The following TTC28 variants were observed in gnomAD, a reference collection of about 807,000 sequenced individuals.
TTC28 encodes the protein tetratricopeptide repeat protein 28.
Under a neutral mutation model 198.0 loss-of-function variants are expected in TTC28, and 61 were observed. The ratio of observed to expected loss-of-function variants is 0.31; its 90% CI spans 0.25 to 0.38. TTC28 has a LOEUF of 0.38. Among genes scored for constraint, TTC28 ranks in the 10% least tolerant of loss-of-function variants. The pLI is 1.00. For missense variants in TTC28, 2,678 were observed against 3,164.0 expected (o/e 0.85, Z 3.69); for synonymous variants, 1,171 against 1,297.8 (o/e 0.90, Z 2.10).
intron 2 of TTC28, among the ~76,000 whole-genome samples, chr22:28,522,953 TTAGA>T (rs139909097): frequency 0.013 from 1,933 of 152,176 alleles, 38 homozygotes; most frequent in African/African-American, 0.044. Flanking sequence ...TCTTCTGGAA[TTAGA>T]TAGTGGTGAT....
At chr22:28,099,424 T>C (rs1340680433) in intron 9 of TTC28, among the ~76,000 whole-genome samples, 3 of 152,216 alleles carry the variant, frequency 2.0e-5, no homozygotes, top group South Asian at 4.1e-4. Context: ...CCACAGCTCG[T>C]GCCTGGTCTC....
intron 2 of TTC28, among the ~76,000 whole-genome samples, chr22:28,504,066 T>C (rs2048571083): frequency 6.6e-6 from 1 of 152,236 alleles, no homozygotes; most frequent in Non-Finnish European, 1.5e-5. Flanking sequence ...CAGACTTTGA[T>C]CTTTAATATA....
chr22:28,429,181 G>T (rs144644994), intron 2 of TTC28, among the ~76,000 whole-genome samples: 2 of 152,156 alleles, frequency 1.3e-5, no homozygotes, highest in Non-Finnish European at 2.9e-5. Flanking sequence ...GATCTTAGTA[G>T]AACAGGGCTA....
At chr22:28,605,838 A>C in intron 2 of TTC28, among the ~76,000 whole-genome samples, 1 of 152,228 alleles carries the variant, frequency 6.6e-6, no homozygotes, top group Non-Finnish European at 1.5e-5. Context: ...TGTTGATCCA[A>C]GGATATAAAG....
chr22:28,566,584 A>G (rs1355500856), intron 2 of TTC28, among the ~76,000 whole-genome samples: 1 of 152,244 alleles, frequency 6.6e-6, no homozygotes, highest in African/African-American at 2.4e-5. Context: ...TACATGAACA[A>G]TAAGTTCATT....
intron 6 of TTC28, among the ~76,000 whole-genome samples, chr22:28,139,509 A>T (rs1486368851): frequency 6.6e-6 from 1 of 152,186 alleles, no homozygotes; most frequent in African/African-American, 2.4e-5. Context: ...ACAATTTAAA[A>T]ATATCAAACT....
intron 5 of TTC28, among the ~76,000 whole-genome samples, chr22:28,177,075 GAAT>G (rs1374425584): frequency 6.6e-6 from 1 of 152,090 alleles, no homozygotes; most frequent in Non-Finnish European, 1.5e-5. Flanking sequence ...ACTGTTAGGA[GAAT>G]GAAAAGTCAA....
At chr22:28,525,183 T>G (rs1160074646) in intron 2 of TTC28, among the ~76,000 whole-genome samples, 1 of 152,162 alleles carries the variant, frequency 6.6e-6, no homozygotes, top group Non-Finnish European at 1.5e-5. Context: ...CGGGTCTCAC[T>G]CTGTCACCGA....
intron 14 of TTC28, among the ~76,000 whole-genome samples, chr22:28,003,085 C>T (rs1937779479): frequency 6.6e-6 from 1 of 152,182 alleles, no homozygotes; most frequent in Admixed American, 6.5e-5. Context: ...GGGTGTGTCA[C>T]AGTGACCCCG....
chr22:28,061,739 T>G lies in TTC28; in HGVS notation c.3933-31373A>C, dbSNP rs1239533693. Among the ~76,000 whole-genome samples, 4 of 152,346 alleles carry G rather than the reference T, an allele frequency of 2.6e-5. No individual in the cohort carries two copies. In the East Asian group the frequency reaches 7.7e-4, roughly 29 times the overall value. The stretch of plus-strand genomic sequence containing the variant: ...TCCATATGAACTTTAAAGTAGTTTT[T>G]TCCAATTCTGTGAAGAAAGTCATTG... On this transcript the variant is annotated intron_variant, in intron 12 of 22. Coordinates refer to ENST00000397906, the MANE Select transcript of TTC28 (RefSeq NM_001145418.2).
chr22:28,335,035 G>C (rs1409263542), intron 2 of TTC28, among the ~76,000 whole-genome samples: 1 of 152,088 alleles, frequency 6.6e-6, no homozygotes, highest in Non-Finnish European at 1.5e-5. Flanking sequence ...TTTTGTACAA[G>C]GTGTAAGGAA....
intron 2 of TTC28, among the ~76,000 whole-genome samples, chr22:28,605,272 A>ACTC (rs2050711010): frequency 2.0e-5 from 3 of 152,120 alleles, no homozygotes; most frequent in Non-Finnish European, 4.4e-5. Flanking sequence ...TTTGGCAAAA[A>ACTC]CTCTTAGATA....
At chr22:28,550,846 A>T (rs574246701) in intron 2 of TTC28, among the ~76,000 whole-genome samples, 1 of 152,226 alleles carries the variant, frequency 6.6e-6, no homozygotes, top group African/African-American at 2.4e-5. Flanking sequence ...TATAAACTTA[A>T]GGCAAAGGGG....
At chr22:28,029,806 A>T (rs1938998936) in intron 13 of TTC28, among the ~76,000 whole-genome samples, 1 of 151,172 alleles carries the variant, frequency 6.6e-6, no homozygotes, top group Non-Finnish European at 1.5e-5. Flanking sequence ...TAGCATTCTC[A>T]CTCTCCCTGA....
chr22:28,466,401 C>A (rs764618882), intron 2 of TTC28, among the ~76,000 whole-genome samples: 4 of 152,110 alleles, frequency 2.6e-5, no homozygotes, highest in Non-Finnish European at 5.9e-5. Flanking sequence ...TTCCTCTTTC[C>A]CCTTGAGATC....
intron 2 of TTC28, among the ~76,000 whole-genome samples, chr22:28,564,039 T>C (rs2049931865): frequency 6.6e-6 from 1 of 152,120 alleles, no homozygotes. Context: ...CAGATACAAA[T>C]AATCACATAT....
chr22:27,999,431 T>TGC, intron 15 of TTC28, 171 bp from the exon 16 acceptor site: 1 of 995,222 alleles, frequency 1.0e-6, no homozygotes, highest in Non-Finnish European at 1.4e-6. Flanking sequence ...TTGACACAGG[T>TGC]GCCTAACTTA....
At chr22:28,645,092 C>G (rs1337118600) in intron 1 of TTC28, among the ~76,000 whole-genome samples, 3 of 151,478 alleles carry the variant, frequency 2.0e-5, no homozygotes, top group Non-Finnish European at 4.4e-5. Flanking sequence ...TTGCAGTGAG[C>G]TGAGATTGCG....
At chr22:28,250,083 A>G (rs1264544035) in intron 5 of TTC28, among the ~76,000 whole-genome samples, 1 of 152,254 alleles carries the variant, frequency 6.6e-6, no homozygotes, top group Admixed American at 6.5e-5. Flanking sequence ...CAGGACAGTC[A>G]TGGAGATACA....
Sources: gnomAD v4.1 joint callset for allele counts (sites outside exome capture counted in the v4.1 genomes callset) on GRCh38, gnomAD v4.1.1 for gene constraint, MANE v1.5 for transcripts, NCBI Gene and HGNC (gene_info 2026-07-23, HGNC 2026-07-21) for gene names.